LIMA1: variants seen among roughly 807,000 people sequenced by gnomAD.
LIMA1 encodes LIM domain and actin-binding protein 1.
In LIMA1, 52 loss-of-function variants were observed where a neutral mutation model predicts 62.6. The observed-to-expected ratio is 0.83, with a 90% CI of 0.67 to 1.05. The LOEUF is 1.05. LIMA1 is among the 50% of genes least tolerant of loss of function. The pLI is 0.00. For missense variants in LIMA1, 780 were observed against 902.2 expected (o/e 0.86, Z 1.74); for synonymous variants, 302 against 317.8 (o/e 0.95, Z 0.53).
intron 1 of LIMA1, among the ~76,000 whole-genome samples, chr12:50,251,671 T>G (rs1941932747): frequency 1.3e-5 from 2 of 151,184 alleles, no homozygotes; most frequent in Middle Eastern, 3.4e-3. Context: ...GGAAAAGGAT[T>G]TATTATTTGA....
At chr12:50,258,297 T>TG (rs1491310147) in intron 1 of LIMA1, among the ~76,000 whole-genome samples, 69 of 123,784 alleles carry the variant, frequency 5.6e-4, no homozygotes, top group African/African-American at 2.4e-3. Flanking sequence ...TACACACTGC[T>TG]TTTTGTGTGT....
intron 2 of LIMA1, among the ~76,000 whole-genome samples, chr12:50,242,538 T>C (rs1018404010): frequency 2.0e-5 from 3 of 152,100 alleles, no homozygotes; most frequent in Admixed American, 6.6e-5. Flanking sequence ...GAAGCTGTGA[T>C]AAGGTAGAGG....
chr12:50,242,119 C>CA (rs913389603), intron 2 of LIMA1, among the ~76,000 whole-genome samples: 1 of 151,362 alleles, frequency 6.6e-6, no homozygotes, highest in African/African-American at 2.4e-5. Flanking sequence ...GGCCAGAAAA[C>CA]AGAGTTCCTG....
chr12:50,192,581 A>G lies in LIMA1; in HGVS notation c.1031-20T>C. ...AGTCACCTGCTTGAGTTACAAAAGG[A>G]AGACATTTTACAGTATCTCATGGAA... On this transcript the variant is annotated intron_variant, in intron 8 of 10. Coordinates refer to ENST00000341247, the MANE Select transcript of LIMA1 (RefSeq NM_016357.5). 6.4e-7 allele frequency: 1 copy of G among 1,565,906 alleles called. No homozygotes were observed. The highest frequency in any genetic ancestry group is 8.8e-7 in the Non-Finnish European group (1 of 1,136,140).
At chr12:50,262,134 T>C (rs1942079876) in intron 1 of LIMA1, among the ~76,000 whole-genome samples, 1 of 152,224 alleles carries the variant, frequency 6.6e-6, no homozygotes. Context: ...CCATCAATAT[T>C]GTTTTAGTTA....
chr12:50,208,568 T>C (rs1941196412), intron 4 of LIMA1, among the ~76,000 whole-genome samples: 1 of 152,188 alleles, frequency 6.6e-6, no homozygotes, highest in Non-Finnish European at 1.5e-5. Flanking sequence ...GAAAATTGCT[T>C]GAGCCTGGGA....
At chr12:50,208,256 C>A (rs1941189631) in intron 4 of LIMA1, among the ~76,000 whole-genome samples, 2 of 152,094 alleles carry the variant, frequency 1.3e-5, no homozygotes, top group African/African-American at 2.4e-5. Flanking sequence ...GAGGCCGAGG[C>A]AGAAGGATCA....
At chr12:50,283,198 T>C (rs960794040) in intron 1 of LIMA1, among the ~76,000 whole-genome samples, 5 of 151,734 alleles carry the variant, frequency 3.3e-5, no homozygotes, top group Admixed American at 3.3e-4. Flanking sequence ...CTCCCGCCCT[T>C]GGGCAGCAAA....
At chr12:50,194,623 T>C (rs749086317) in intron 8 of LIMA1, among the ~76,000 whole-genome samples, 20 of 150,728 alleles carry the variant, frequency 1.3e-4, no homozygotes, top group Admixed American at 4.0e-4. Context: ...TTAAATGGGC[T>C]GGGCACAGTG....
intron 4 of LIMA1, among the ~76,000 whole-genome samples, chr12:50,207,089 T>C (rs1192657107): frequency 6.6e-6 from 1 of 152,122 alleles, no homozygotes; most frequent in African/African-American, 2.4e-5. Flanking sequence ...CATGCTCAGC[T>C]AATTTTTATA....
intron 3 of LIMA1, 96 bp from the exon 4 acceptor site, chr12:50,222,581 C>A: frequency 6.4e-7 from 1 of 1,568,990 alleles, no homozygotes. Flanking sequence ...CTCCAAGCTG[C>A]TCCTGGTCCA....
intron 1 of LIMA1, among the ~76,000 whole-genome samples, chr12:50,255,747 G>C (rs1318936390): frequency 1.3e-5 from 2 of 150,454 alleles, no homozygotes; most frequent in East Asian, 3.9e-4. Flanking sequence ...AAAACTTCAA[G>C]TTGCAAAGGG....
intron 6 of LIMA1, among the ~76,000 whole-genome samples, chr12:50,204,131 G>A (rs1392877922): frequency 1.3e-5 from 2 of 152,162 alleles, no homozygotes; most frequent in East Asian, 1.9e-4. Flanking sequence ...AATGAACACA[G>A]CTGATATTTC....
chr12:50,196,007 TA>T, intron 7 of LIMA1, 120 bp from the exon 8 acceptor site: 1 of 992,632 alleles, frequency 1.0e-6, no homozygotes, highest in Middle Eastern at 3.2e-4. Context: ...ACTGGCTGCC[TA>T]GGGGAAATAA....
chr12:50,232,066 T>TTC (rs1941620348), intron 2 of LIMA1, among the ~76,000 whole-genome samples: 1 of 147,606 alleles, frequency 6.8e-6, no homozygotes, highest in Non-Finnish European at 1.5e-5. Context: ...TTTTTTTTTT[T>TTC]TGAGATAGGG....
intron 1 of LIMA1, among the ~76,000 whole-genome samples, chr12:50,266,887 C>A (rs1361798124): frequency 2.6e-5 from 4 of 152,002 alleles, no homozygotes; most frequent in African/African-American, 9.7e-5. Flanking sequence ...GTTGGCCACT[C>A]AATACATTTA....
chr12:50,193,296 G>C (rs1311229945), intron 8 of LIMA1, among the ~76,000 whole-genome samples: 1 of 151,254 alleles, frequency 6.6e-6, no homozygotes, highest in Non-Finnish European at 1.5e-5. Flanking sequence ...AATGTTTCTG[G>C]ATTCAAGCAG....
chr12:50,248,398 A>T (rs531012205), intron 2 of LIMA1, among the ~76,000 whole-genome samples: 78 of 152,264 alleles, frequency 5.1e-4, no homozygotes, highest in South Asian at 3.3e-3. Flanking sequence ...TTTTAAAATA[A>T]TTTTTGTGTC....
At chr12:50,255,205 T>C (rs1592558450) in intron 1 of LIMA1, among the ~76,000 whole-genome samples, 1 of 151,974 alleles carries the variant, frequency 6.6e-6, no homozygotes, top group East Asian at 1.9e-4. Context: ...GCTGTATGGC[T>C]TCCTGAACAT....
Sources: gnomAD v4.1 joint callset for allele counts (sites outside exome capture counted in the v4.1 genomes callset) on GRCh38, gnomAD v4.1.1 for gene constraint, MANE v1.5 for transcripts, NCBI Gene and HGNC (gene_info 2026-07-23, HGNC 2026-07-21) for gene names.